NCOA1: variants seen among roughly 807,000 people sequenced by gnomAD.
NCOA1 encodes the protein nuclear receptor coactivator 1, also known as Hin-2 protein.
In NCOA1, 35 loss-of-function variants were observed where a neutral mutation model predicts 150.9. The observed-to-expected ratio is 0.23, with a 90% CI of 0.18 to 0.31. NCOA1 has a LOEUF of 0.31. Among genes scored for constraint, NCOA1 ranks in the 10% least tolerant of loss-of-function variants. NCOA1 has a pLI of 1.00. For synonymous variants in NCOA1, 590 were observed against 630.0 expected (o/e 0.94, Z 0.95); for missense variants, 1,491 against 1,749.3 (o/e 0.85, Z 2.63).
At chr2:24,580,574 T>C (rs1667155799) in intron 2 of NCOA1, among the ~76,000 whole-genome samples, 1 of 152,234 alleles carries the variant, frequency 6.6e-6, no homozygotes, top group Admixed American at 6.5e-5. Context: ...TCTTTTGTTT[T>C]ACCTATTTTT....
At chr2:24,724,894 G>A (rs1052049416) in intron 14 of NCOA1, among the ~76,000 whole-genome samples, 1 of 151,876 alleles carries the variant, frequency 6.6e-6, no homozygotes, top group Non-Finnish European at 1.5e-5. Flanking sequence ...GAAAGTAAGT[G>A]ATTATTTCCC....
At chr2:24,503,164 A>G (rs1400600576) in intron 1 of NCOA1, among the ~76,000 whole-genome samples, 1 of 152,246 alleles carries the variant, frequency 6.6e-6, no homozygotes, top group Non-Finnish European at 1.5e-5. Flanking sequence ...ATACTCACAG[A>G]TAAACTAGGG....
chr2:24,637,681 T>TTTTTG lies in NCOA1; in HGVS notation c.-174-6260_-174-6256dup, dbSNP rs767182525. Among the ~76,000 whole-genome samples the TTTTTG allele has an allele frequency of 1.6e-3, 247 of 151,740 alleles. 2 individuals are homozygous for TTTTTG. Among genetic ancestry groups the TTTTTG allele is most frequent in the African/African-American group, 5.1e-3 (209 of 41,214 alleles). On this transcript the variant is annotated intron_variant, in intron 3 of 22. Transcript: ENST00000348332. ...TGAAACTATACAATATATTGGGGGT[T>TTTTTG]TTTTGTTTTGTTTTGTTTTGTTTTG...
At chr2:24,626,682 G>A (rs1669425689) in intron 3 of NCOA1, among the ~76,000 whole-genome samples, 2 of 152,198 alleles carry the variant, frequency 1.3e-5, no homozygotes, top group African/African-American at 4.8e-5. Flanking sequence ...ATAGTGAGAA[G>A]TTCAAGATTG....
chr2:24,569,552 A>ATTTTTTTTTTTTTTTTTTTTTTTTTTT (rs200639064), intron 2 of NCOA1, among the ~76,000 whole-genome samples: 6 of 93,794 alleles, frequency 6.4e-5, no homozygotes, highest in African/African-American at 2.4e-4. Flanking sequence ...GGTTTTATTA[A>ATTTTTTTTTTTTTTTTTTTTTTTTTTT]TTTTTTTTTT....
rs879343229 is a variant in NCOA1, at chr2:24,725,733, G to A, written c.2600-856G>A. Among the ~76,000 whole-genome samples the A allele has an allele frequency of 6.2e-4, 80 of 128,432 alleles. No individual in the cohort carries two copies. The South Asian group carries it at 7.0e-3, about 11-fold the overall frequency. 84.3% of individuals were successfully genotyped at this position (128,432 alleles called of 152,430 possible). A position where few individuals can be genotyped will look rare whatever the true frequency, so the allele number is the denominator to read the frequency against. On this transcript the variant is annotated intron_variant, in intron 14 of 22. Transcript: ENST00000348332. ...AGTGTGCGTGTGTGTGTGTGTGTGT[G>A]TGTGTGTGTGTGTGTGTGAGATCCC... is the stretch of plus-strand genomic sequence containing the variant.
intron 1 of NCOA1, among the ~76,000 whole-genome samples, chr2:24,555,133 C>A (rs1666022299): frequency 6.6e-6 from 1 of 152,072 alleles, no homozygotes; most frequent in African/African-American, 2.4e-5. Flanking sequence ...GAGGAAAAGG[C>A]CCTCCCCACA....
intron 7 of NCOA1, among the ~76,000 whole-genome samples, chr2:24,682,163 C>T (rs1672206818): frequency 6.6e-6 from 1 of 152,080 alleles, no homozygotes; most frequent in African/African-American, 2.4e-5. Context: ...TGTAAATGTT[C>T]TATTTTTTCA....
intron 6 of NCOA1, among the ~76,000 whole-genome samples, chr2:24,670,528 G>A (rs1212765238): frequency 6.6e-6 from 1 of 152,146 alleles, no homozygotes; most frequent in Middle Eastern, 3.2e-3. Context: ...AATTCAACAT[G>A]GTTGAACCCT....
rs750024811 is a variant in NCOA1, at chr2:24,706,637, G to A, written c.1167G>A (p.Ser389=). The A allele has an allele frequency of 4.5e-5, 72 of 1,613,918 alleles. No individual in the cohort carries two copies. Among genetic ancestry groups the A allele is most frequent in the Non-Finnish European group, 1.9e-5 (22 of 1,179,994 alleles). The part of the protein sequence containing the change: ...SGMSIPRVNP[S]VNPSISPAHG... ...TGTCAATTCCCCGAGTAAATCCCTCGGTCAATCCTAGTATCTCTCCAGCTC... is the reference window on the plus strand; with the variant it reads ...TGTCAATTCCCCGAGTAAATCCCTCAGTCAATCCTAGTATCTCTCCAGCTC... The change falls in exon 13 of 23, where the codon TCG becomes TCA. Residue 389 remains serine (S), a synonymous_variant. Coordinates refer to ENST00000348332, the MANE Select transcript of NCOA1 (RefSeq NM_003743.5).
At chr2:24,640,929 A>G (rs1262307163) in intron 3 of NCOA1, among the ~76,000 whole-genome samples, 1 of 152,172 alleles carries the variant, frequency 6.6e-6, no homozygotes, top group East Asian at 1.9e-4. Flanking sequence ...GTTATTTTAT[A>G]TTTAATGTAA....
chr2:24,674,035 A>G (rs927218355), intron 7 of NCOA1, among the ~76,000 whole-genome samples: 8 of 106,824 alleles, frequency 7.5e-5, no homozygotes, highest in Admixed American at 3.7e-4. Context: ...TACTCCCTGC[A>G]TTCTCAATAT....
intron 2 of NCOA1, among the ~76,000 whole-genome samples, chr2:24,568,431 G>A (rs1316705640): frequency 6.6e-6 from 1 of 152,058 alleles, no homozygotes; most frequent in African/African-American, 2.4e-5. Context: ...TTTTTTCTGT[G>A]CTGTGATGGA....
rs778394800 is a variant in NCOA1 at position 24,728,285 on chromosome 2, TTTC to T, written c.2718-20_2718-18del. Reference sequence around the variant, plus strand: ...ATTATTTGCTATGTCAGTCTGAAACTTTCTTGTTTTTTAATCCTGCAGCCAGTG... The same window carrying T: ...ATTATTTGCTATGTCAGTCTGAAACTTTGTTTTTTAATCCTGCAGCCAGTG... On this transcript the variant is annotated intron_variant, in intron 15 of 22. Coordinates refer to ENST00000348332, the MANE Select transcript of NCOA1 (RefSeq NM_003743.5). 39 of 1,584,160 alleles carry T rather than the reference TTTC, an allele frequency of 2.5e-5. No homozygotes were observed. The highest frequency in any genetic ancestry group is 3.2e-5 in the Non-Finnish European group (37 of 1,166,760).
intron 3 of NCOA1, among the ~76,000 whole-genome samples, chr2:24,598,837 C>T (rs1313228559): frequency 6.6e-6 from 1 of 151,816 alleles, no homozygotes; most frequent in Non-Finnish European, 1.5e-5. Flanking sequence ...TTGCATAACT[C>T]TGGGGTTTGG....
intron 1 of NCOA1, among the ~76,000 whole-genome samples, chr2:24,528,948 G>A (rs190189828): frequency 5.9e-5 from 9 of 151,852 alleles, no homozygotes; most frequent in African/African-American, 9.7e-5. Flanking sequence ...GTGCAGTGGC[G>A]CCATATTGGC....
chr2:24,716,465 A>G (rs4665714), intron 14 of NCOA1, among the ~76,000 whole-genome samples: 6,196 of 152,278 alleles, frequency 0.041, 147 homozygotes, highest in East Asian at 0.11. Context: ...TAGTCATTTC[A>G]ATACATGGTG....
chr2:24,663,856 C>T (rs1381829216), intron 5 of NCOA1, among the ~76,000 whole-genome samples: 1 of 152,140 alleles, frequency 6.6e-6, no homozygotes, highest in East Asian at 1.9e-4. Flanking sequence ...CCTGCCTGTT[C>T]TATCACTTTT....
At chr2:24,691,080 G>GT (rs1374415098) in intron 8 of NCOA1, among the ~76,000 whole-genome samples, 1 of 152,130 alleles carries the variant, frequency 6.6e-6, no homozygotes, top group Non-Finnish European at 1.5e-5. Flanking sequence ...TGATTGCCAA[G>GT]TTAAAACCCC....
Sources: gnomAD v4.1 joint callset for allele counts (sites outside exome capture counted in the v4.1 genomes callset) on GRCh38, gnomAD v4.1.1 for gene constraint, MANE v1.5 for transcripts, NCBI Gene and HGNC (gene_info 2026-07-23, HGNC 2026-07-21) for gene names.